B3GALT4: variants seen among roughly 807,000 people sequenced by gnomAD.
B3GALT4 encodes UDP-Gal:betaGlcNAc beta 1,3-galactosyltransferase 4.
In B3GALT4, 1 loss-of-function variant was observed where a neutral mutation model predicts 1.6. That is an observed-to-expected ratio of 0.64 (90% CI 0.23 to 3.05). The LOEUF (loss-of-function observed/expected upper bound fraction) is 3.05, where lower values mean the gene tolerates loss of function less well. B3GALT4 is among the 30% of genes most tolerant of loss of function. The pLI is 0.21. For missense variants in B3GALT4, 441 were observed against 486.9 expected (o/e 0.91, Z 0.89); for synonymous variants, 259 against 222.6 (o/e 1.16, Z -1.46).
Position 33,278,328 on chromosome 6 carries a change from C to T in B3GALT4, c.909C>T (p.Leu303=), listed in dbSNP as rs930204927. Residue 303 remains leucine, a synonymous_variant, in exon 1 of 1, where the codon CTC becomes CTT. Transcript: ENST00000451237. This position sits in a 1 kb window ranked among gnomAD's most constrained non-coding sequence, Gnocchi z 5.2. ...GGGTAAGTGCCCGACGAGGAGGCCT[C>T]GCCCCAACACAGTGTGTCAAGCTGG... ...FVGVSARRGG[L]APTQCVKLAG... 4 of 1,611,382 alleles carry T rather than the reference C, an allele frequency of 2.5e-6. No homozygotes were observed. The highest frequency in any genetic ancestry group is 1.7e-5 in the Admixed American group (1 of 59,800).
At position 33,277,632 on chromosome 6, in the gene B3GALT4, C is replaced by G; in HGVS notation, c.213C>G (p.Pro71=). The G allele has an allele frequency of 6.2e-7, 1 of 1,613,624 alleles. No homozygotes were observed. Among genetic ancestry groups the G allele is most frequent in the South Asian group, 1.1e-5 (1 of 91,068 alleles). Residue 71 remains proline, a synonymous_variant, in exon 1 of 1, where the codon CCC becomes CCG. Transcript: ENST00000451237. The surrounding 1 kb of genome is among the most constrained non-coding windows in gnomAD (Gnocchi z 5.3). ...CTTGCAGTGGTCCCGGGGCCCCTCCCTTCCTGCTCATCCTGGTGTGCACGG... is the reference window on the plus strand; with the variant it reads ...CTTGCAGTGGTCCCGGGGCCCCTCCGTTCCTGCTCATCCTGGTGTGCACGG... ...QEACSGPGAP[P]FLLILVCTAP... is the part of the protein sequence containing the mutation.
chr6:33,277,835 T>TG lies in B3GALT4; in HGVS notation c.417dup (p.Gln140AlafsTer23). Reference sequence around the variant, plus strand: ...GAGTCAGCAGCCCAGGGGGATATCTTGCAGGCCGCCTTCCAGGACTCCTAC... The same window carrying TG: ...GAGTCAGCAGCCCAGGGGGATATCTTGGCAGGCCGCCTTCCAGGACTCCTAC... On this transcript the variant is annotated frameshift_variant, in exon 1 of 1. Transcript: ENST00000451237. LOFTEE classifies it low-confidence loss of function (END_TRUNC). The surrounding 1 kb of genome is among the most constrained non-coding windows in gnomAD (Gnocchi z 5.3). 2 of 1,613,706 alleles carry TG rather than the reference T, an allele frequency of 1.2e-6. No homozygotes were observed. Among genetic ancestry groups the TG allele is most frequent in the Non-Finnish European group, 8.5e-7 (1 of 1,179,996 alleles).
chr6:33,277,543 C>T lies in B3GALT4; in HGVS notation c.124C>T (p.Pro42Ser), dbSNP rs1179623188. ...GAGCCTCTCACTAGCCTCCCTGCTC[C>T]CAGCCCCCGCCTCACCGGGGCCGCC... ...LLSLSLASLL[P>S]APASPGPPLA... is the part of the protein sequence containing the mutation. Residue 42 changes from proline (P) to serine (S), a missense_variant, in exon 1 of 1, where the codon CCA becomes TCA. Pro to Ser is a moderately conservative substitution (Grantham distance 74). Coordinates refer to ENST00000451237, the MANE Select transcript of B3GALT4 (RefSeq NM_003782.4). The surrounding 1 kb of genome is among the most constrained non-coding windows in gnomAD (Gnocchi z 5.3). The T allele has an allele frequency of 6.8e-6, 11 of 1,611,818 alleles. No individual in the cohort carries two copies. The highest frequency in any genetic ancestry group is 9.3e-6 in the Non-Finnish European group (11 of 1,179,264).
rs1050284635 is a variant in B3GALT4 at position 33,278,334 on chromosome 6, A to G, written c.915A>G (p.Pro305=). ...GVSARRGGLA[P]TQCVKLAGAT... The stretch of plus-strand genomic sequence containing the variant: ...GTGCCCGACGAGGAGGCCTCGCCCC[A>G]ACACAGTGTGTCAAGCTGGCTGGTG... Residue 305 remains proline, a synonymous_variant, in exon 1 of 1, where the codon CCA becomes CCG. Coordinates refer to ENST00000451237, the MANE Select transcript of B3GALT4 (RefSeq NM_003782.4). This position sits in a 1 kb window ranked among gnomAD's most constrained non-coding sequence, Gnocchi z 5.2. 4.3e-6 allele frequency: 7 copies of G among 1,611,200 alleles called. No individual in the cohort carries two copies. The Admixed American group carries it at 6.7e-5, about 15-fold the overall frequency.
Position 33,278,381 on chromosome 6 carries a change from G to T in B3GALT4, c.962G>T (p.Arg321Leu), listed in dbSNP as rs763454153. 6.2e-7 allele frequency: 1 copy of T among 1,606,584 alleles called. No homozygotes were observed. Among genetic ancestry groups the T allele is most frequent in the Non-Finnish European group, 8.5e-7 (1 of 1,175,194 alleles). Residue 321 changes from arginine (R) to leucine (L), a missense_variant, in exon 1 of 1, where the codon CGG becomes CTG. By Grantham distance (102) the Arg-to-Leu change is moderately radical. Coordinates refer to ENST00000451237, the MANE Select transcript of B3GALT4 (RefSeq NM_003782.4). This position sits in a 1 kb window ranked among gnomAD's most constrained non-coding sequence, Gnocchi z 5.2. ...GGTGCCACCCACTACCCGCTAGACC[G>T]GTGCTGCTATGGGAAATTCCTGCTG... is the stretch of plus-strand genomic sequence containing the variant. ...LAGATHYPLD[R>L]CCYGKFLLTS...
rs1475531683 is a variant in B3GALT4, at chr6:33,277,644, C to A, written c.225C>A (p.Ile75=). 1 of 1,613,786 alleles carries A rather than the reference C, an allele frequency of 6.2e-7. No homozygotes were observed. The highest frequency in any genetic ancestry group is 1.3e-5 in the African/African-American group (1 of 74,938). ...CCGGGGCCCCTCCCTTCCTGCTCAT[C>A]CTGGTGTGCACGGCTCCGGAGAACC... ...SGPGAPPFLL[I]LVCTAPENLN... is the part of the protein sequence containing the mutation. Residue 75 remains isoleucine (I), a synonymous_variant, in exon 1 of 1, where the codon ATC becomes ATA. Transcript: ENST00000451237. This position sits in a 1 kb window ranked among gnomAD's most constrained non-coding sequence, Gnocchi z 5.3.
At position 33,278,172 on chromosome 6, in the gene B3GALT4, G is replaced by GCCT; in HGVS notation, c.755_757dup (p.Pro252dup). The GCCT allele has an allele frequency of 6.2e-7, 1 of 1,612,832 alleles. No individual in the cohort carries two copies. The highest frequency in any genetic ancestry group is 8.5e-7 in the Non-Finnish European group (1 of 1,179,942). On this transcript the variant is annotated inframe_insertion, in exon 1 of 1. Coordinates refer to ENST00000451237, the MANE Select transcript of B3GALT4 (RefSeq NM_003782.4). The surrounding 1 kb of genome is among the most constrained non-coding windows in gnomAD (Gnocchi z 5.2). The stretch of plus-strand genomic sequence containing the variant: ...GGCACCGCGTATCAGAGGAGCAGTG[G>GCCT]CCTCACACCTGGGGCCCCTTTCCAC...
chr6:33,277,933 C>T lies in B3GALT4; in HGVS notation c.514C>T (p.Leu172Phe), dbSNP rs1331091558. Residue 172 changes from leucine (L) to phenylalanine (F), a missense_variant, in exon 1 of 1, where the codon CTC becomes TTC. Leu to Phe is a conservative substitution (Grantham distance 22). Transcript: ENST00000451237. This position sits in a 1 kb window ranked among gnomAD's most constrained non-coding sequence, Gnocchi z 5.3. ...EKHCPMARYVLKTDDDVYVNV... is the reference protein window; with the variant it reads ...EKHCPMARYVFKTDDDVYVNV... ...ACACTGCCCCATGGCCCGATACGTC[C>T]TCAAGACGGACGATGATGTGTATGT... is the stretch of plus-strand genomic sequence containing the variant. The T allele has an allele frequency of 6.2e-7, 1 of 1,614,198 alleles. No homozygotes were observed.
At position 33,278,524 on chromosome 6, in the gene B3GALT4, C is replaced by T. The variant is rs761609610; in HGVS notation, c.1105C>T (p.Arg369Trp). 4 of 1,545,932 alleles carry T rather than the reference C, an allele frequency of 2.6e-6. No individual in the cohort carries two copies. Among genetic ancestry groups the T allele is most frequent in the African/African-American group, 1.4e-5 (1 of 72,838 alleles). The stretch of plus-strand genomic sequence containing the variant: ...GTTCCAGGGAGTCCTGGGCATCCTG[C>T]GGTGTCGAGCAATAGCCTGGCTTCA... ...SWFQGVLGILRCRAIAWLQS is the reference protein window; with the variant it reads ...SWFQGVLGILWCRAIAWLQS The change falls in exon 1 of 1, where the codon CGG becomes TGG. Residue 369 changes from arginine (R) to tryptophan (W), a missense_variant. Coordinates refer to ENST00000451237, the MANE Select transcript of B3GALT4 (RefSeq NM_003782.4). The surrounding 1 kb of genome is among the most constrained non-coding windows in gnomAD (Gnocchi z 5.2).
rs755413867 is a variant in B3GALT4, at chr6:33,278,217, G to T, written c.798G>T (p.Gly266=). The T allele has an allele frequency of 5.0e-6, 8 of 1,612,130 alleles. No homozygotes were observed. Among genetic ancestry groups the T allele is most frequent in the African/African-American group, 4.0e-5 (3 of 74,914 alleles). Residue 266 remains glycine, a synonymous_variant, in exon 1 of 1, where the codon GGG becomes GGT. Transcript: ENST00000451237. This position sits in a 1 kb window ranked among gnomAD's most constrained non-coding sequence, Gnocchi z 5.2. ...GPFPPYASGT[G]YVLSASAVQL... is the part of the protein sequence containing the mutation. ...TTCCACCCTATGCCTCAGGCACGGGGTATGTGCTGTCAGCGTCTGCTGTGC... is the reference window on the plus strand; with the variant it reads ...TTCCACCCTATGCCTCAGGCACGGGTTATGTGCTGTCAGCGTCTGCTGTGC...
chr6:33,277,694 C>A lies in B3GALT4; in HGVS notation c.275C>A (p.Ala92Asp), dbSNP rs1259681624. ...ENLNQRNAIRASWGGLREARG... is the reference protein window; with the variant it reads ...ENLNQRNAIRDSWGGLREARG... The stretch of plus-strand genomic sequence containing the variant: ...CTGAACCAGAGAAACGCCATTCGGG[C>A]TTCGTGGGGCGGGCTGCGCGAGGCC... The change falls in exon 1 of 1, where the codon GCT (alanine) becomes GAT (aspartate). Residue 92 changes from alanine to aspartate, a missense_variant. Physicochemically the swap from Ala to Asp is moderately radical, Grantham distance 126 (BLOSUM62 -2). Coordinates refer to ENST00000451237, the MANE Select transcript of B3GALT4 (RefSeq NM_003782.4). This position sits in a 1 kb window ranked among gnomAD's most constrained non-coding sequence, Gnocchi z 5.3. The A allele has an allele frequency of 1.2e-6, 2 of 1,613,820 alleles. No individual in the cohort carries two copies. Among genetic ancestry groups the A allele is most frequent in the Non-Finnish European group, 1.7e-6 (2 of 1,180,030 alleles).
rs1416533750 is a variant in B3GALT4, at chr6:33,278,300, TG to T, written c.886del (p.Val296Ter). The T allele has an allele frequency of 3.7e-6, 6 of 1,613,838 alleles. No homozygotes were observed. Among genetic ancestry groups the T allele is most frequent in the African/African-American group, 1.3e-5 (1 of 75,030 alleles). Reference protein sequence around the residue: ...APLLPLEDVFVGVSARRGGLA... With the variant: ...APLLPLEDVFXGVSARRGGLA... ...CTTCTCCCATTAGAGGATGTCTTTG[TG>T]GGGGTAAGTGCCCGACGAGGAGGCC... On this transcript the variant is annotated frameshift_variant, in exon 1 of 1. Coordinates refer to ENST00000451237, the MANE Select transcript of B3GALT4 (RefSeq NM_003782.4). LOFTEE classifies it high-confidence loss of function. This position sits in a 1 kb window ranked among gnomAD's most constrained non-coding sequence, Gnocchi z 5.2.
chr6:33,277,394 C>T lies in B3GALT4; in HGVS notation c.-26C>T. 1 of 1,601,546 alleles carries T rather than the reference C, an allele frequency of 6.2e-7. No homozygotes were observed. The highest frequency in any genetic ancestry group is 8.5e-7 in the Non-Finnish European group (1 of 1,176,806). ...AGCTAGTCTCCGCCCTTCGCTCTTA[C>T]GGATCCCCTCGGAGTACGCCGCACC... is the stretch of plus-strand genomic sequence containing the variant. On this transcript the variant is annotated 5_prime_UTR_variant, in exon 1 of 1. In the 5' UTR this introduces an upstream ATG that the reference lacks. Coordinates refer to ENST00000451237, the MANE Select transcript of B3GALT4 (RefSeq NM_003782.4). The surrounding 1 kb of genome is among the most constrained non-coding windows in gnomAD (Gnocchi z 5.3).
Position 33,277,803 on chromosome 6 carries a change from G to A in B3GALT4, c.384G>A (p.Leu128=). The A allele has an allele frequency of 6.2e-7, 1 of 1,613,752 alleles. No individual in the cohort carries two copies. The highest frequency in any genetic ancestry group is 1.1e-5 in the South Asian group (1 of 91,080). ...TGTGGGGTTCCCAGGGGAGTGACCT[G>A]GCCTCGGAGTCAGCAGCCCAGGGGG... ...HPVWGSQGSD[L]ASESAAQGDI... is the part of the protein sequence containing the mutation. The change falls in exon 1 of 1, where the codon CTG becomes CTA. Residue 128 remains leucine, a synonymous_variant. Coordinates refer to ENST00000451237, the MANE Select transcript of B3GALT4 (RefSeq NM_003782.4). This position sits in a 1 kb window ranked among gnomAD's most constrained non-coding sequence, Gnocchi z 5.3.
At position 33,277,833 on chromosome 6, in the gene B3GALT4, C is replaced by G. The variant is rs778339309; in HGVS notation, c.414C>G (p.Ile138Met). 8.7e-6 allele frequency: 14 copies of G among 1,613,664 alleles called. No individual in the cohort carries two copies. The highest frequency in any genetic ancestry group is 1.3e-5 in the African/African-American group (1 of 74,920). ...CGGAGTCAGCAGCCCAGGGGGATAT[C>G]TTGCAGGCCGCCTTCCAGGACTCCT... ...LASESAAQGD[I>M]LQAAFQDSYR... is the part of the protein sequence containing the mutation. The change falls in exon 1 of 1, where the codon ATC becomes ATG. Residue 138 changes from isoleucine to methionine, a missense_variant. Physicochemically the swap from Ile to Met is conservative, Grantham distance 10. Transcript: ENST00000451237. The surrounding 1 kb of genome is among the most constrained non-coding windows in gnomAD (Gnocchi z 5.3).
Position 33,277,277 on chromosome 6 carries a change from C to T in B3GALT4, c.-143C>T, listed in dbSNP as rs574764752. ...TCCGCAGCTGCACCGCCTCTCCCCG[C>T]CCCCCAGGGTGCGCTGGTCCCGGTC... On this transcript the variant is annotated 5_prime_UTR_variant, in exon 1 of 1. Coordinates refer to ENST00000451237, the MANE Select transcript of B3GALT4 (RefSeq NM_003782.4). The surrounding 1 kb of genome is among the most constrained non-coding windows in gnomAD (Gnocchi z 5.3). 3.0e-5 allele frequency: 43 copies of T among 1,433,124 alleles called. No homozygotes were observed. The South Asian group carries it at 5.2e-4, about 17-fold the overall frequency. The allele number at this position is 1,433,124 out of a possible 1,614,324, so 88.8% of individuals were successfully genotyped here.
Position 33,277,621 on chromosome 6 carries a change from G to A in B3GALT4, c.202G>A (p.Gly68Arg), listed in dbSNP as rs747459978. The change falls in exon 1 of 1, where the codon GGG becomes AGG. Residue 68 changes from glycine to arginine, a missense_variant. Gly to Arg is a moderately radical substitution (Grantham distance 125, BLOSUM62 -2). Transcript: ENST00000451237. This position sits in a 1 kb window ranked among gnomAD's most constrained non-coding sequence, Gnocchi z 5.3. Reference sequence around the variant, plus strand: ...CAACCAGGAAGCTTGCAGTGGTCCCGGGGCCCCTCCCTTCCTGCTCATCCT... The same window carrying A: ...CAACCAGGAAGCTTGCAGTGGTCCCAGGGCCCCTCCCTTCCTGCTCATCCT... ...IPNQEACSGPGAPPFLLILVC... is the reference protein window; with the variant it reads ...IPNQEACSGPRAPPFLLILVC... The A allele has an allele frequency of 1.2e-6, 2 of 1,613,090 alleles. No individual in the cohort carries two copies. The highest frequency in any genetic ancestry group is 1.7e-4 in the Middle Eastern group (1 of 6,060).
Position 33,277,887 on chromosome 6 carries a change from C to T in B3GALT4, c.468C>T (p.Ser156=). 4 of 1,614,114 alleles carry T rather than the reference C, an allele frequency of 2.5e-6. No homozygotes were observed. Among genetic ancestry groups the T allele is most frequent in the Non-Finnish European group, 3.4e-6 (4 of 1,180,024 alleles). The change falls in exon 1 of 1, where the codon AGC becomes AGT. Residue 156 remains serine (S), a synonymous_variant. Coordinates refer to ENST00000451237, the MANE Select transcript of B3GALT4 (RefSeq NM_003782.4). This position sits in a 1 kb window ranked among gnomAD's most constrained non-coding sequence, Gnocchi z 5.3. ...SYRNLTLKTL[S]GLNWAEKHCP... Reference sequence around the variant, plus strand: ...GCAACCTCACCCTAAAGACCCTCAGCGGGCTGAACTGGGCTGAGAAACACT... The same window carrying T: ...GCAACCTCACCCTAAAGACCCTCAGTGGGCTGAACTGGGCTGAGAAACACT...
In B3GALT4 at chr6:33,278,627, C is replaced by T. The variant is rs1581659499; in HGVS notation, c.*71C>T. The stretch of plus-strand genomic sequence containing the variant: ...CCCAGGCCCAACGCAGGGGCCCTCA[C>T]TGGCTGCAGCTGATCTGTTTCCTTA... On this transcript the variant is annotated 3_prime_UTR_variant, in exon 1 of 1. Coordinates refer to ENST00000451237, the MANE Select transcript of B3GALT4 (RefSeq NM_003782.4). The surrounding 1 kb of genome is among the most constrained non-coding windows in gnomAD (Gnocchi z 5.2). The T allele has an allele frequency of 6.7e-7, 1 of 1,495,714 alleles. No homozygotes were observed. The highest frequency in any genetic ancestry group is 8.9e-7 in the Non-Finnish European group (1 of 1,122,166). The allele number at this position is 1,495,714 out of a possible 1,614,324, so 92.7% of individuals were successfully genotyped here.
Sources: gnomAD v4.1 joint callset for allele counts on GRCh38, gnomAD v4.1.1 for gene constraint, Gnocchi (gnomAD v3.1) non-coding constraint, MANE v1.5 for transcripts, NCBI Gene and HGNC (gene_info 2026-07-23, HGNC 2026-07-21) for gene names.